Variants in PXDNL observed in about 807,000 individuals in gnomAD.
The protein encoded by PXDNL is probable oxidoreductase PXDNL.
Under a neutral mutation model 150.8 loss-of-function variants are expected in PXDNL, and 145 were observed. The ratio of observed to expected loss-of-function variants is 0.96; its 90% confidence interval spans 0.84 to 1.10. The LOEUF is 1.10. PXDNL is among the 50% of genes least tolerant of loss of function. PXDNL has a pLI of 0.00. For missense variants in PXDNL, 2,087 were observed against 1,873.9 expected, an observed-to-expected ratio of 1.11 and a Z score of -2.10; for synonymous variants, 757 against 725.7, an observed-to-expected ratio of 1.04 and a Z score of -0.69.
chr8:51,506,221 G>T (rs1260737529), intron 4 of PXDNL, among the ~76,000 whole-genome samples: 1 of 152,102 alleles, frequency 6.6e-6, no homozygotes, highest in African/African-American at 2.4e-5. Context: ...CACTCTTTGG[G>T]AAGTTATTTC....
intron 2 of PXDNL, among the ~76,000 whole-genome samples, chr8:51,600,727 TTA>T (rs1001595050): frequency 2.2e-5 from 3 of 138,398 alleles, no homozygotes; most frequent in Non-Finnish European, 4.6e-5. Flanking sequence ...AGATGATAAA[TTA>T]TATCTTATAT....
chr8:51,343,489 C>T (rs538687780), intron 20 of PXDNL, among the ~76,000 whole-genome samples: 50 of 152,278 alleles, frequency 3.3e-4, no homozygotes, highest in African/African-American at 1.1e-3. Flanking sequence ...ATAAGATTGG[C>T]AGGAGGCTAA....
chr8:51,428,964 A>ACTATAGACCCAAAATTCAAGAG (rs57300953), intron 12 of PXDNL, among the ~76,000 whole-genome samples: 1 of 151,162 alleles, frequency 6.6e-6, no homozygotes, highest in Non-Finnish European at 1.5e-5. Context: ...AGTGTCTAAA[A>ACTATAGACCCAAAATTCAAGAG]TATATAAAGA....
rs1035553938 is a variant in PXDNL, at chr8:51,496,871, A to T, written c.452+2828T>A. Among the ~76,000 whole-genome samples the T allele has an allele frequency of 5.3e-5, 8 of 152,332 alleles. No individual in the cohort carries two copies. The East Asian group carries it at 1.3e-3, about 26-fold the overall frequency. On this transcript the variant is annotated intron_variant, in intron 5 of 22. Coordinates refer to ENST00000356297, the MANE Select transcript of PXDNL (RefSeq NM_144651.5). Reference sequence around the variant, plus strand: ...AATGGCCAACTGCCCAAGGTAATTTATAGATTCAATGCCATCCCCATCAAG... The same window carrying T: ...AATGGCCAACTGCCCAAGGTAATTTTTAGATTCAATGCCATCCCCATCAAG...
rs763576496 is a variant in PXDNL, at chr8:51,371,859, G to C, written c.3901+14C>G. ...CACATCAATCCAGATCGTGCTCATTGCATTATTACTGACCTGCACAGCAGT... is the reference window on the plus strand; with the variant it reads ...CACATCAATCCAGATCGTGCTCATTCCATTATTACTGACCTGCACAGCAGT... On this transcript the variant is annotated intron_variant, in intron 19 of 22. Coordinates refer to ENST00000356297, the MANE Select transcript of PXDNL (RefSeq NM_144651.5). 1.2e-6 allele frequency: 2 copies of C among 1,604,370 alleles called. No homozygotes were observed. Among genetic ancestry groups the C allele is most frequent in the Admixed American group, 3.3e-5 (2 of 59,820 alleles).
chr8:51,699,031 C>T (rs1213728094), intron 1 of PXDNL, among the ~76,000 whole-genome samples: 1 of 152,134 alleles, frequency 6.6e-6, no homozygotes, highest in African/African-American at 2.4e-5. Flanking sequence ...TGTTCCACTT[C>T]TAGAGCACAG....
rs1554554374 is a variant in PXDNL, at chr8:51,576,211, A to AAAC, written c.308+16415_308+16416insGTT. The stretch of plus-strand genomic sequence containing the variant: ...AGAACACTGCTCCAAAAAAAAAAAA[A>AAAC]AAACAAACAAAAAAACTCAATTCAC... On this transcript the variant is annotated intron_variant, in intron 3 of 22. Coordinates refer to ENST00000356297, the MANE Select transcript of PXDNL (RefSeq NM_144651.5). 6.1e-4 allele frequency among the ~76,000 whole-genome samples: 92 copies of AAAC among 151,108 alleles called. 1 individual carries two copies. The highest frequency in any genetic ancestry group is 2.1e-3 in the African/African-American group (88 of 41,146).
At chr8:51,404,143 TC>T (rs1299695453) in intron 17 of PXDNL, among the ~76,000 whole-genome samples, 1 of 152,222 alleles carries the variant, frequency 6.6e-6, no homozygotes, top group Non-Finnish European at 1.5e-5. Context: ...GGTGAGTGTT[TC>T]AGCTCATAAA....
At chr8:51,795,560 G>A (rs775511467) in intron 1 of PXDNL, among the ~76,000 whole-genome samples, 5 of 152,140 alleles carry the variant, frequency 3.3e-5, no homozygotes, top group East Asian at 1.9e-4. Context: ...GGTAAATAAC[G>A]AAATTAAGGC....
chr8:51,448,933 ATT>A, intron 11 of PXDNL, 67 bp downstream of exon 11: 1 of 781,458 alleles, frequency 1.3e-6, no homozygotes, highest in Non-Finnish European at 2.2e-6. Context: ...AATTTAAACT[ATT>A]TTTTTTTACT....
At chr8:51,760,105 A>T (rs1395586746) in intron 1 of PXDNL, among the ~76,000 whole-genome samples, 7 of 152,246 alleles carry the variant, frequency 4.6e-5, no homozygotes, top group Non-Finnish European at 8.8e-5. Context: ...ATGTATTTTC[A>T]TATGTTAAAA....
At chr8:51,762,927 A>G (rs2037180264) in intron 1 of PXDNL, among the ~76,000 whole-genome samples, 2 of 152,260 alleles carry the variant, frequency 1.3e-5, no homozygotes, top group African/African-American at 4.8e-5. Context: ...AAAAAGAAGT[A>G]TAACAGCTTT....
chr8:51,471,429 G>A (rs950143796), intron 8 of PXDNL, among the ~76,000 whole-genome samples: 8 of 152,096 alleles, frequency 5.3e-5, no homozygotes, highest in Non-Finnish European at 1.0e-4. Context: ...TAAATGACTA[G>A]CCATTTAAAT....
chr8:51,404,275 T>A (rs1808370051), intron 17 of PXDNL, among the ~76,000 whole-genome samples: 1 of 152,242 alleles, frequency 6.6e-6, no homozygotes, highest in Admixed American at 6.5e-5. Flanking sequence ...GGCAGCCTGC[T>A]TTTATTCCCT....
chr8:51,393,217 C>T (rs1807966356), intron 17 of PXDNL, among the ~76,000 whole-genome samples: 1 of 152,168 alleles, frequency 6.6e-6, no homozygotes, highest in Non-Finnish European at 1.5e-5. Context: ...TAATTGGAGA[C>T]CAATGCAGAT....
At chr8:51,531,901 G>C (rs1012211041) in intron 4 of PXDNL, among the ~76,000 whole-genome samples, 1 of 152,192 alleles carries the variant, frequency 6.6e-6, no homozygotes, top group Non-Finnish European at 1.5e-5. Flanking sequence ...ATGGTGAAGT[G>C]CTCCCCCCAC....
chr8:51,325,981 C>CCATAA (rs1805471539), intron 21 of PXDNL, among the ~76,000 whole-genome samples: 1 of 152,104 alleles, frequency 6.6e-6, no homozygotes, highest in East Asian at 1.9e-4. Flanking sequence ...TAGAGGGACT[C>CCATAA]AGGTTTTGTT....
intron 17 of PXDNL, among the ~76,000 whole-genome samples, chr8:51,397,404 G>A (rs1337541432): frequency 6.6e-6 from 1 of 151,948 alleles, no homozygotes; most frequent in African/African-American, 2.4e-5. Context: ...AAGGCCACAG[G>A]AAATATAATA....
At chr8:51,717,610 C>G (rs1816639751) in intron 1 of PXDNL, among the ~76,000 whole-genome samples, 1 of 152,178 alleles carries the variant, frequency 6.6e-6, no homozygotes, top group Admixed American at 6.5e-5. Context: ...GGGCTGGAAG[C>G]ACAAGCTACA....
Sources: gnomAD v4.1 joint callset for allele counts (sites outside exome capture counted in the v4.1 genomes callset) on GRCh38, gnomAD v4.1.1 for gene constraint, MANE v1.5 for transcripts, NCBI Gene and HGNC (gene_info 2026-07-23, HGNC 2026-07-21) for gene names.